The following ANKRD17 variants were observed in gnomAD, a reference collection of about 807,000 sequenced individuals.
The protein encoded by ANKRD17 is ankyrin repeat domain 17, also known as ankyrin repeat domain-containing protein 17.
In ANKRD17, 19 loss-of-function variants were observed where a neutral mutation model predicts 229.7. The ratio of observed to expected loss-of-function variants is 0.08; its 90% CI spans 0.06 to 0.12. The LOEUF is 0.12. Ranked by LOEUF, ANKRD17 falls within the 10% of genes least tolerant of loss-of-function variation. ANKRD17 has a pLI of 1.00. For missense variants in ANKRD17, 2,176 were observed against 3,176.8 expected (o/e 0.68, Z 7.57); for synonymous variants, 1,112 against 1,146.1 (o/e 0.97, Z 0.60).
intron 1 of ANKRD17, among the ~76,000 whole-genome samples, chr4:73,245,939 TA>T (rs1744459143): frequency 6.6e-6 from 1 of 152,166 alleles, no homozygotes. Context: ...ATTACTGGCC[TA>T]AAAATCTTAC....
At chr4:73,222,898 C>G (rs1372047117) in intron 1 of ANKRD17, 2 of 1,190,240 alleles carry the variant, frequency 1.7e-6, no homozygotes, top group East Asian at 5.1e-5. Context: ...ATCTATTCAT[C>G]TGTAAAATAA....
intron 1 of ANKRD17, among the ~76,000 whole-genome samples, chr4:73,202,318 TAAAAAAAAAAAAA>T (rs10533861): frequency 9.6e-4 from 21 of 21,902 alleles, no homozygotes; most frequent in Admixed American, 2.6e-3. Flanking sequence ...GGAACAGGAT[TAAAAAAAAAAAAA>T]AAAAAAAAAA....
At chr4:73,257,485 G>C (rs1745557633) in intron 1 of ANKRD17, among the ~76,000 whole-genome samples, 2 of 152,074 alleles carry the variant, frequency 1.3e-5, no homozygotes, top group African/African-American at 4.8e-5. Context: ...CCATATTACG[G>C]GACAACAGGT....
rs1293178841 is a variant in ANKRD17, at chr4:73,076,948, G to T, written c.7744C>A (p.Pro2582Thr). The T allele has an allele frequency of 1.2e-6, 2 of 1,610,032 alleles. No homozygotes were observed. Among genetic ancestry groups the T allele is most frequent in the African/African-American group, 1.3e-5 (1 of 74,692 alleles). ...MVSSSTENNG[P>T]QTVWTGPWAP... ...TGAATGATCAGCCTCACCGTTTGAGGGCCATTATTTTCCGTGGAGCTGGAA... is the reference window on the plus strand; with the variant it reads ...TGAATGATCAGCCTCACCGTTTGAGTGCCATTATTTTCCGTGGAGCTGGAA... Residue 2582 changes from proline to threonine, a missense_variant, in exon 33 of 34, where the codon CCT (proline) becomes ACT (threonine). Transcript: ENST00000358602.
chr4:73,160,497 C>T (rs137927417), intron 3 of ANKRD17, among the ~76,000 whole-genome samples: 188 of 152,184 alleles, frequency 1.2e-3, no homozygotes, highest in African/African-American at 4.4e-3. Flanking sequence ...AGATTACAGG[C>T]GTGAGCTACC....
chr4:73,169,540 T>C (rs924816295), intron 2 of ANKRD17, among the ~76,000 whole-genome samples: 2 of 151,838 alleles, frequency 1.3e-5, no homozygotes, highest in Admixed American at 1.3e-4. Context: ...AAGGGGGCTC[T>C]AGTGATCTCC....
At position 73,123,299 on chromosome 4, in the gene ANKRD17, G is replaced by A. The variant is rs570150048; in HGVS notation, c.3493-1540C>T. 1.5e-3 allele frequency among the ~76,000 whole-genome samples: 222 copies of A among 151,990 alleles called. 1 individual carries two copies. The highest frequency in any genetic ancestry group is 5.0e-3 in the African/African-American group (207 of 41,516). On this transcript the variant is annotated intron_variant, in intron 18 of 33. Coordinates refer to ENST00000358602, the MANE Select transcript of ANKRD17 (RefSeq NM_032217.5). Reference sequence around the variant, plus strand: ...CAAAATTTTGCTTTCCGGGATTTATGGGGATTTTTACTTTTTCTGGAATAG... The same window carrying A: ...CAAAATTTTGCTTTCCGGGATTTATAGGGATTTTTACTTTTTCTGGAATAG...
rs2110178606 is a variant in ANKRD17 at position 73,094,084 on chromosome 4, A to G, written c.5322T>C (p.Thr1774=). Residue 1774 remains threonine (T), a synonymous_variant, in exon 28 of 34, where the codon ACT becomes ACC. Transcript: ENST00000358602. ...TGTAAGAGACAAAGTTTTGCCTTAT[A>G]GTGATTATCCGGTCTCCAGTCTTGT... The part of the protein sequence containing the change: ...QKDKTGDRII[T]IRGGTESTRQ... 1 of 1,613,624 alleles carries G rather than the reference A, an allele frequency of 6.2e-7. No homozygotes were observed.
chr4:73,118,610 CTT>C, intron 22 of ANKRD17, 76 bp downstream of exon 22: 1 of 1,512,478 alleles, frequency 6.6e-7, no homozygotes, highest in Non-Finnish European at 9.1e-7. Flanking sequence ...CAAAATGAGT[CTT>C]TAGTGATCAC....
intron 24 of ANKRD17, among the ~76,000 whole-genome samples, chr4:73,104,851 T>G (rs925416275): frequency 6.6e-6 from 1 of 151,968 alleles, no homozygotes; most frequent in African/African-American, 2.4e-5. Flanking sequence ...TAGATGTTGA[T>G]GGGGGTGGTA....
intron 17 of ANKRD17, 69 bp from the exon 18 acceptor site, chr4:73,125,127 A>AATGTTTT: frequency 1.3e-6 from 2 of 1,596,064 alleles, no homozygotes; most frequent in Non-Finnish European, 1.7e-6. Flanking sequence ...CCTTCAAAAT[A>AATGTTTT]GGACTAAAAA....
rs1171258155 is a variant in ANKRD17, at chr4:73,073,906, G to T, written c.*2325C>A. ...GAGTTAAATCATTTCTTAAAACAAT[G>T]ATGTAGTCTGCATATACACATACCA... On this transcript the variant is annotated 3_prime_UTR_variant, in exon 34 of 34. Coordinates refer to ENST00000358602, the MANE Select transcript of ANKRD17 (RefSeq NM_032217.5). 1 of 151,938 alleles carries T rather than the reference G, an allele frequency of 6.6e-6. No homozygotes were observed. Among genetic ancestry groups the T allele is most frequent in the Non-Finnish European group, 1.5e-5 (1 of 67,860 alleles). The allele number at this position is 151,938 out of a possible 1,614,324, so 9.4% of individuals were successfully genotyped here.
intron 1 of ANKRD17, among the ~76,000 whole-genome samples, chr4:73,248,358 T>C (rs1353500821): frequency 1.3e-5 from 2 of 151,988 alleles, no homozygotes; most frequent in Admixed American, 1.3e-4. Context: ...GGCACACAGT[T>C]ACACCAAAAA....
At position 73,182,499 on chromosome 4, in the gene ANKRD17, A is replaced by G. The variant is rs539215813; in HGVS notation, c.394-4966T>C. ...CACCAGCAAATACAATGCTGGAATAATAAGGGGTTGAACTTTCACACTGCT... is the reference window on the plus strand; with the variant it reads ...CACCAGCAAATACAATGCTGGAATAGTAAGGGGTTGAACTTTCACACTGCT... On this transcript the variant is annotated intron_variant, in intron 1 of 33. Coordinates refer to ENST00000358602, the MANE Select transcript of ANKRD17 (RefSeq NM_032217.5). Among the ~76,000 whole-genome samples, 18 of 152,314 alleles carry G rather than the reference A, an allele frequency of 1.2e-4. No individual in the cohort carries two copies. The South Asian group carries it at 2.7e-3, about 23-fold the overall frequency.
intron 1 of ANKRD17, among the ~76,000 whole-genome samples, chr4:73,181,692 T>C (rs1735566602): frequency 1.3e-5 from 2 of 152,114 alleles, no homozygotes; most frequent in Non-Finnish European, 2.9e-5. Flanking sequence ...AAAAATCATT[T>C]TGAATCACAA....
chr4:73,241,973 T>G (rs1286187084), intron 1 of ANKRD17, among the ~76,000 whole-genome samples: 1 of 152,118 alleles, frequency 6.6e-6, no homozygotes, highest in African/African-American at 2.4e-5. Flanking sequence ...TTATTTCTAA[T>G]AAAACTTAAG....
chr4:73,156,872 C>T (rs552224978), intron 3 of ANKRD17, among the ~76,000 whole-genome samples: 18 of 152,230 alleles, frequency 1.2e-4, no homozygotes, highest in Non-Finnish European at 2.1e-4. Flanking sequence ...CAGACTAATG[C>T]TAACATTAGT....
At chr4:73,158,219 T>C (rs576397972) in intron 3 of ANKRD17, among the ~76,000 whole-genome samples, 3 of 97,544 alleles carry the variant, frequency 3.1e-5, no homozygotes, top group African/African-American at 1.1e-4. Flanking sequence ...AAGTAGAACA[T>C]GTCATTCCTC....
At chr4:73,109,211 G>C (rs563294795) in intron 24 of ANKRD17, among the ~76,000 whole-genome samples, 6 of 151,866 alleles carry the variant, frequency 4.0e-5, no homozygotes, top group Non-Finnish European at 7.4e-5. Flanking sequence ...GAAGCAGAAG[G>C]ATCACTTCAA....
Sources: gnomAD v4.1 joint callset for allele counts (sites outside exome capture counted in the v4.1 genomes callset) on GRCh38, gnomAD v4.1.1 for gene constraint, MANE v1.5 for transcripts, NCBI Gene and HGNC (gene_info 2026-07-23, HGNC 2026-07-21) for gene names.